COL4A4: variants seen among roughly 807,000 people sequenced by gnomAD.
The protein encoded by COL4A4 is collagen type IV alpha 4 chain.
Under a neutral mutation model 192.9 loss-of-function variants are expected in COL4A4, and 105 were observed. That is an observed-to-expected ratio of 0.54 (90% CI 0.46 to 0.64). The LOEUF (loss-of-function observed/expected upper bound fraction) is 0.64. Among genes scored for constraint, COL4A4 ranks in the 30% least tolerant of loss-of-function variants. The pLI is 0.00. For missense variants in COL4A4, 1,967 were observed against 2,169.3 expected, an observed-to-expected ratio of 0.91 and a Z score of 1.85; for synonymous variants, 762 against 769.9, an observed-to-expected ratio of 0.99 and a Z score of 0.17.
chr2:226,990,262 T>C, the COL4A4 span, among the ~76,000 whole-genome samples: 2 of 152,188 alleles, frequency 1.3e-5, no homozygotes, highest in Admixed American at 1.3e-4. Flanking sequence ...GGAGGCATTT[T>C]GGGAGCTTTG....
intron 47 of COL4A4, 40 bp downstream of exon 47, chr2:227,007,978 A>G: frequency 6.2e-7 from 1 of 1,600,122 alleles, no homozygotes; most frequent in Non-Finnish European, 8.5e-7. Flanking sequence ...GTGTTAGGAA[A>G]TGGTGAATGA....
At chr2:227,151,793 T>C (rs1166516674) in intron 1 of COL4A4, among the ~76,000 whole-genome samples, 1 of 152,096 alleles carries the variant, frequency 6.6e-6, no homozygotes, top group Non-Finnish European at 1.5e-5. Context: ...GCCCCTTCCT[T>C]CCACCATGTG....
In COL4A4 at chr2:227,007,477, A is replaced by G. The variant is rs1479278183; in HGVS notation, c.4921T>C (p.Cys1641Arg). 1.2e-6 allele frequency: 2 copies of G among 1,614,200 alleles called. No homozygotes were observed. Among genetic ancestry groups the G allele is most frequent in the Non-Finnish European group, 1.7e-6 (2 of 1,180,036 alleles). ...FLECQGRQGTCHFFANKYSFW... is the reference protein window; with the variant it reads ...FLECQGRQGTRHFFANKYSFW... ...CTATACTTATTTGCGAAAAAGTGGC[A>G]AGTTCCCTGCCGGCCCTGGCATTCA... The change falls in exon 48 of 48, where the codon TGC becomes CGC. Residue 1641 changes from cysteine to arginine, a missense_variant. By Grantham distance (180) the Cys-to-Arg change is radical. Transcript: ENST00000396625.
chr2:227,119,472 A>G (rs1015206953), intron 6 of COL4A4, among the ~76,000 whole-genome samples: 1 of 148,906 alleles, frequency 6.7e-6, no homozygotes, highest in Non-Finnish European at 1.5e-5. Context: ...GATACTATAT[A>G]AAATATATGT....
intron 7 of COL4A4, among the ~76,000 whole-genome samples, chr2:227,117,558 CAGAATGAATGATT>C (rs1241668850): frequency 2.0e-5 from 3 of 151,466 alleles, no homozygotes; most frequent in African/African-American, 4.9e-5. Flanking sequence ...TGAGTGACAG[CAGAATGAATGATT>C]ATGGTGGTCA....
chr2:227,107,756 C>CTTTTTT (rs71036157), intron 12 of COL4A4, among the ~76,000 whole-genome samples: 3 of 109,206 alleles, frequency 2.7e-5, no homozygotes, highest in African/African-American at 3.7e-5. Flanking sequence ...AATCACTTTT[C>CTTTTTT]TTTTTTTTTT....
At chr2:227,132,027 A>G (rs1030042989) in intron 4 of COL4A4, among the ~76,000 whole-genome samples, 3 of 152,312 alleles carry the variant, frequency 2.0e-5, no homozygotes, top group South Asian at 2.1e-4. Flanking sequence ...GCCACCATGT[A>G]TATGGTCATT....
In COL4A4 at chr2:227,006,644, T is replaced by A. The variant is rs1345079346; in HGVS notation, c.*681A>T. On this transcript the variant is annotated 3_prime_UTR_variant, in exon 48 of 48. Transcript: ENST00000396625. ...CAGAAGAGAACATAATGTTTTATAT[T>A]CATCTGTGATGTGTTTATGCTAATG... The A allele has an allele frequency of 6.6e-6, 1 of 152,390 alleles. No homozygotes were observed. The allele number at this position is 152,390 out of a possible 1,614,324, so 9.4% of individuals were successfully genotyped here.
intron 1 of COL4A4, among the ~76,000 whole-genome samples, chr2:227,151,511 G>A (rs1461012667): frequency 6.6e-6 from 1 of 151,824 alleles, no homozygotes; most frequent in Non-Finnish European, 1.5e-5. Context: ...AAAACTGTAG[G>A]TACTAATAAA....
At chr2:227,149,094 C>T (rs2063747830) in intron 1 of COL4A4, among the ~76,000 whole-genome samples, 1 of 152,114 alleles carries the variant, frequency 6.6e-6, no homozygotes, top group Admixed American at 6.5e-5. Context: ...GGTGATCAGC[C>T]TGCCTCAGCC....
intron 8 of COL4A4, 46 bp downstream of exon 8, chr2:227,114,582 A>T (rs997064287): frequency 6.7e-7 from 1 of 1,496,416 alleles, no homozygotes; most frequent in Non-Finnish European, 9.3e-7. Context: ...GGGCTTACCT[A>T]TTTGGAAGAA....
intron 37 of COL4A4, among the ~76,000 whole-genome samples, chr2:227,039,719 CAACT>C (rs1373340398): frequency 2.0e-5 from 3 of 152,002 alleles, no homozygotes; most frequent in Admixed American, 6.6e-5. Context: ...GGTTCTTTAC[CAACT>C]GTCTTCCGGA....
chr2:227,010,845 C>CTTAT (rs1963531108), intron 45 of COL4A4, among the ~76,000 whole-genome samples: 1 of 152,140 alleles, frequency 6.6e-6, no homozygotes, highest in Non-Finnish European at 1.5e-5. Context: ...TTATGAAATA[C>CTTAT]GCTGGGAAGA....
chr2:226,982,603 A>G, the COL4A4 span, among the ~76,000 whole-genome samples: 6 of 152,328 alleles, frequency 3.9e-5, no homozygotes, highest in Non-Finnish European at 7.4e-5. Flanking sequence ...TGTGAATTTC[A>G]TAGACAAAAC....
At chr2:227,111,064 C>T (rs1212300246) in intron 9 of COL4A4, among the ~76,000 whole-genome samples, 1 of 152,194 alleles carries the variant, frequency 6.6e-6, no homozygotes, top group African/African-American at 2.4e-5. Flanking sequence ...GTCTGGGCGG[C>T]CCTCGGTGCC....
At chr2:227,104,594 AATAAAT>A (rs1294930954) in intron 12 of COL4A4, among the ~76,000 whole-genome samples, 1 of 150,912 alleles carries the variant, frequency 6.6e-6, no homozygotes, top group Non-Finnish European at 1.5e-5. Context: ...TAAATAAATA[AATAAAT>A]AAAAAATCCT....
downstream of COL4A4, among the ~76,000 whole-genome samples, chr2:227,002,003 C>T (rs990219445): frequency 1.3e-5 from 2 of 151,962 alleles, no homozygotes; most frequent in African/African-American, 4.8e-5. Context: ...CAGGACCCTG[C>T]TTCTATAAAA....
At chr2:227,047,156 T>C (rs780774908) in intron 35 of COL4A4, among the ~76,000 whole-genome samples, 1 of 151,994 alleles carries the variant, frequency 6.6e-6, no homozygotes, top group Non-Finnish European at 1.5e-5. Flanking sequence ...ATGGTCCAGA[T>C]TTTAATTGTT....
intron 25 of COL4A4, among the ~76,000 whole-genome samples, chr2:227,075,024 C>G (rs2058944201): frequency 6.6e-6 from 1 of 151,792 alleles, no homozygotes; most frequent in African/African-American, 2.4e-5. Context: ...GCCTACCAAC[C>G]AAAAAAAGCC....
Sources: allele counts gnomAD v4.1 joint callset (sites outside exome capture counted in the v4.1 genomes callset), GRCh38; gene constraint gnomAD v4.1.1; transcripts MANE v1.5; gene names NCBI Gene and HGNC (gene_info 2026-07-23, HGNC 2026-07-21).